UGT1A8: variants seen among roughly 807,000 people sequenced by gnomAD.
The protein encoded by UGT1A8 is UDP-glucuronosyltransferase 1A8.
UGT1A8 carries 39 observed loss-of-function variants against 45.3 expected under a neutral mutation model. The observed-to-expected ratio is 0.86, with a 90% CI of 0.67 to 1.12. The LOEUF (loss-of-function observed/expected upper bound fraction) is 1.12, where lower values mean the gene tolerates loss of function less well. Among genes scored for constraint, UGT1A8 ranks in the 50% most tolerant of loss-of-function variants. UGT1A8 has a pLI of 0.00. For missense variants in UGT1A8, 719 were observed against 664.9 expected, an observed-to-expected ratio of 1.08 and a Z score of -0.90; for synonymous variants, 275 against 249.2, an observed-to-expected ratio of 1.10 and a Z score of -0.97.
At chr2:233,713,647 C>T (rs2076336191) in intron 1 of UGT1A8, 2 of 1,613,856 alleles carry the variant, frequency 1.2e-6, no homozygotes, top group African/African-American at 1.3e-5. Flanking sequence ...TACCCTCTGG[C>T]CCTGTCCTAC....
At chr2:233,697,767 G>T (rs2075409769) in intron 1 of UGT1A8, among the ~76,000 whole-genome samples, 1 of 151,840 alleles carries the variant, frequency 6.6e-6, no homozygotes, top group Non-Finnish European at 1.5e-5. Flanking sequence ...TTGATACATT[G>T]TGTTTCCATT....
chr2:233,648,931 C>T lies in UGT1A8; in HGVS notation c.855+30369C>T, dbSNP rs1032399454. On this transcript the variant is annotated intron_variant, in intron 1 of 4. Coordinates refer to ENST00000373450, the MANE Select transcript of UGT1A8 (RefSeq NM_019076.5). ...CAGCCACACATCAATTTGGTTGCTG[C>T]GAATGGACTTTGTTTTGGAGTATCC... 105 of 1,402,532 alleles carry T rather than the reference C, an allele frequency of 7.5e-5. No homozygotes were observed. In the African/African-American group the frequency reaches 8.0e-4, roughly 11 times the overall value. 86.9% of individuals were successfully genotyped at this position (1,402,532 alleles called of 1,614,324 possible). A position where few individuals can be genotyped will look rare whatever the true frequency, so the allele number is the denominator to read the frequency against.
At chr2:233,726,844 C>T (rs1432960908) in intron 1 of UGT1A8, among the ~76,000 whole-genome samples, 1 of 152,154 alleles carries the variant, frequency 6.6e-6, no homozygotes, top group Admixed American at 6.5e-5. Flanking sequence ...AATTTTTGTT[C>T]CTTTTCTCCA....
intron 1 of UGT1A8, among the ~76,000 whole-genome samples, chr2:233,726,317 A>G (rs1017068137): frequency 1.3e-5 from 2 of 152,230 alleles, no homozygotes; most frequent in African/African-American, 4.8e-5. Context: ...CATTGAGCTC[A>G]GGAGTTTCAG....
chr2:233,686,715 G>A (rs138506626), intron 1 of UGT1A8, among the ~76,000 whole-genome samples: 93 of 152,138 alleles, frequency 6.1e-4, no homozygotes, highest in African/African-American at 2.1e-3. Flanking sequence ...CCCTCCCACC[G>A]GCTATGAAGG....
chr2:233,760,575 G>C, intron 1 of UGT1A8: 1 of 1,614,226 alleles, frequency 6.2e-7, no homozygotes. Flanking sequence ...TTAGTCTCGG[G>C]CATAATGTTT....
At chr2:233,687,634 GGC>G (rs2125537846) in intron 1 of UGT1A8, among the ~76,000 whole-genome samples, 1 of 151,318 alleles carries the variant, frequency 6.6e-6, no homozygotes, top group African/African-American at 2.4e-5. Context: ...TGAGTGTGGT[GGC>G]TCACACATGT....
chr2:233,620,084 T>G (rs1486492068), intron 1 of UGT1A8, among the ~76,000 whole-genome samples: 1 of 152,176 alleles, frequency 6.6e-6, no homozygotes, highest in East Asian at 1.9e-4. Flanking sequence ...TTCTGGCTTC[T>G]TATAAGGTTC....
intron 1 of UGT1A8, among the ~76,000 whole-genome samples, chr2:233,643,869 C>T (rs2073528229): frequency 6.6e-6 from 1 of 152,150 alleles, no homozygotes; most frequent in African/African-American, 2.4e-5. Context: ...GGCACAGGGG[C>T]CTCATGATTC....
intron 1 of UGT1A8, 97 bp downstream of exon 1, chr2:233,618,659 G>T (rs989795685): frequency 2.6e-6 from 4 of 1,512,788 alleles, no homozygotes; most frequent in Non-Finnish European, 3.5e-6. Context: ...TTCATTTGTT[G>T]CATTTCAAAT....
intron 1 of UGT1A8, among the ~76,000 whole-genome samples, chr2:233,735,706 TG>T (rs200320435): frequency 0.013 from 1,981 of 152,300 alleles, 51 homozygotes; most frequent in African/African-American, 0.046. Context: ...GCAGGCCTGG[TG>T]GTGACAAAAT....
At chr2:233,716,222 T>A (rs1452528556) in intron 1 of UGT1A8, among the ~76,000 whole-genome samples, 4 of 152,232 alleles carry the variant, frequency 2.6e-5, no homozygotes, top group African/African-American at 7.2e-5. Context: ...CAAGAGCCCT[T>A]GTGATTACAT....
chr2:233,636,657 G>T (rs763801356), intron 1 of UGT1A8: 2 of 1,614,118 alleles, frequency 1.2e-6, no homozygotes, highest in Admixed American at 1.7e-5. Flanking sequence ...AGTCGGTGGT[G>T]GAGAAACTTA....
At chr2:233,667,249 A>C (rs1162873018) in intron 1 of UGT1A8, among the ~76,000 whole-genome samples, 1 of 152,214 alleles carries the variant, frequency 6.6e-6, no homozygotes, top group Non-Finnish European at 1.5e-5. Flanking sequence ...TGGTTGAACT[A>C]GTTTACAGTC....
chr2:233,693,104 C>G, intron 1 of UGT1A8: 1 of 1,614,166 alleles, frequency 6.2e-7, no homozygotes, highest in African/African-American at 1.3e-5. Flanking sequence ...GGTGGTCCCT[C>G]AGGACGGAAG....
At chr2:233,704,796 T>TTA (rs2075807222) in intron 1 of UGT1A8, among the ~76,000 whole-genome samples, 1 of 152,134 alleles carries the variant, frequency 6.6e-6, no homozygotes, top group African/African-American at 2.4e-5. Flanking sequence ...AACAATATAA[T>TTA]TATATATATG....
chr2:233,659,515 G>T (rs1333298993), intron 1 of UGT1A8, among the ~76,000 whole-genome samples: 1 of 152,220 alleles, frequency 6.6e-6, no homozygotes, highest in East Asian at 1.9e-4. Context: ...AAGTGGGAGT[G>T]GATCATCATA....
rs1698334430 is a variant in UGT1A8 at position 233,763,527 on chromosome 2, C to G, written c.856-3507C>G. 2.6e-5 allele frequency among the ~76,000 whole-genome samples: 4 copies of G among 152,146 alleles called. No individual in the cohort carries two copies. In the South Asian group the frequency reaches 8.3e-4, roughly 31 times the overall value. The stretch of plus-strand genomic sequence containing the variant: ...ATGTTTAGTTGACTTTGCCATTCTC[C>G]TTTTTCCGGATTTCTACTGGTTGGT... On this transcript the variant is annotated intron_variant, in intron 1 of 4. Coordinates refer to ENST00000373450, the MANE Select transcript of UGT1A8 (RefSeq NM_019076.5).
chr2:233,625,359 T>C (rs549125582), intron 1 of UGT1A8, among the ~76,000 whole-genome samples: 24 of 152,196 alleles, frequency 1.6e-4, no homozygotes, highest in African/African-American at 5.8e-4. Context: ...GCAAATTAGA[T>C]CATCCCCTGT....
Sources: gnomAD v4.1 joint callset for allele counts (sites outside exome capture counted in the v4.1 genomes callset) on GRCh38, gnomAD v4.1.1 for gene constraint, MANE v1.5 for transcripts, NCBI Gene and HGNC (gene_info 2026-07-23, HGNC 2026-07-21) for gene names.